Variants in KIF24 observed in about 807,000 individuals in gnomAD.
KIF24 encodes the protein kinesin-like protein KIF24.
In KIF24, 81 loss-of-function variants were observed where a neutral mutation model predicts 118.9. That is an observed-to-expected ratio of 0.68 (90% CI 0.57 to 0.82). The LOEUF is 0.82. KIF24 is among the 40% of genes least tolerant of loss of function. The probability of loss-of-function intolerance (pLI) is 0.00; values close to 1 mark genes in which losing one functional copy is unlikely to be tolerated. For missense variants in KIF24, 1,560 were observed against 1,661.6 expected, an observed-to-expected ratio of 0.94 and a Z score of 1.06; for synonymous variants, 599 against 610.0, an observed-to-expected ratio of 0.98 and a Z score of 0.27.
At chr9:34,267,865 G>A (rs1835351592) in intron 8 of KIF24, among the ~76,000 whole-genome samples, 1 of 152,254 alleles carries the variant, frequency 6.6e-6, no homozygotes, top group East Asian at 1.9e-4. Flanking sequence ...AGGATAATGA[G>A]TAACATGTTA....
intron 3 of KIF24, among the ~76,000 whole-genome samples, chr9:34,301,846 A>G (rs1379709289): frequency 6.6e-6 from 1 of 152,116 alleles, no homozygotes; most frequent in Non-Finnish European, 1.5e-5. Context: ...CAGAAAAATT[A>G]AAAAACCAAA....
At chr9:34,263,198 C>CA (rs748897571) in intron 8 of KIF24, 26 bp from the exon 9 acceptor site, 123 of 1,577,636 alleles carry the variant, frequency 7.8e-5, no homozygotes, top group Middle Eastern at 6.6e-4. Context: ...ACAAGCACAT[C>CA]AAGTATCAAG....
intron 1 of KIF24, among the ~76,000 whole-genome samples, chr9:34,324,867 TAAC>T (rs1837627582): frequency 6.6e-6 from 1 of 152,216 alleles, no homozygotes; most frequent in Admixed American, 6.5e-5. Flanking sequence ...TTACTGATTA[TAAC>T]AACAAATGAG....
upstream of KIF24, among the ~76,000 whole-genome samples, chr9:34,333,454 C>T (rs1427292877): frequency 6.6e-6 from 1 of 151,714 alleles, no homozygotes; most frequent in Non-Finnish European, 1.5e-5. Context: ...TAGCAAGACC[C>T]CATCTCTACA....
chr9:34,290,823 C>T (rs943136764), intron 4 of KIF24, among the ~76,000 whole-genome samples: 7 of 152,108 alleles, frequency 4.6e-5, no homozygotes, highest in African/African-American at 1.7e-4. Flanking sequence ...TCGTCTCGAA[C>T]TCCTGACCTC....
chr9:34,267,443 T>G (rs1214867146), intron 8 of KIF24, among the ~76,000 whole-genome samples: 1 of 152,100 alleles, frequency 6.6e-6, no homozygotes, highest in African/African-American at 2.4e-5. Context: ...ACCTATGAAT[T>G]GTTTTTGCCA....
intron 7 of KIF24, among the ~76,000 whole-genome samples, chr9:34,270,833 G>A (rs1424615879): frequency 2.7e-5 from 4 of 147,690 alleles, no homozygotes; most frequent in Admixed American, 1.4e-4. Flanking sequence ...CTAGGAGTTC[G>A]AGACCAGCCT....
At position 34,311,329 on chromosome 9, in the gene KIF24, A is replaced by C; in HGVS notation, c.18T>G (p.Tyr6Ter). The part of the protein sequence containing the change: MASWL[Y>*]ECLCEAELAQ... ...CAAGTTCAGCTTCACAAAGACATTC[A>C]TATAACCAGGATGCCATTTTGGTGA... Residue 6 changes from tyrosine to a stop codon, truncating the protein, a stop_gained, in exon 2 of 13, where the codon TAT becomes TAG. Transcript: ENST00000402558. LOFTEE classifies it high-confidence loss of function. 6.4e-7 allele frequency: 1 copy of C among 1,572,852 alleles called. No individual in the cohort carries two copies.
intron 7 of KIF24, among the ~76,000 whole-genome samples, chr9:34,269,955 G>A (rs1357954694): frequency 6.6e-6 from 1 of 151,932 alleles, no homozygotes; most frequent in Non-Finnish European, 1.5e-5. Context: ...TGGGTGTGGT[G>A]GCTCATGCCT....
At chr9:34,317,547 C>T (rs531717788) in intron 1 of KIF24, among the ~76,000 whole-genome samples, 1 of 152,132 alleles carries the variant, frequency 6.6e-6, no homozygotes, top group Non-Finnish European at 1.5e-5. Context: ...CAGAAAGGAA[C>T]AATTTGTAAG....
chr9:34,292,474 G>C (rs186944966), intron 4 of KIF24, among the ~76,000 whole-genome samples: 15 of 151,972 alleles, frequency 9.9e-5, no homozygotes, highest in Non-Finnish European at 1.8e-4. Flanking sequence ...CTGGGCTTGC[G>C]TTCTTAACTT....
intron 1 of KIF24, among the ~76,000 whole-genome samples, chr9:34,323,228 G>A (rs1334492711): frequency 2.0e-5 from 3 of 152,126 alleles, no homozygotes; most frequent in African/African-American, 7.2e-5. Context: ...TTAAAAAGTA[G>A]TTTTCAAGAA....
chr9:34,320,658 CAAAAA>C (rs68048466), intron 1 of KIF24, among the ~76,000 whole-genome samples: 13 of 54,440 alleles, frequency 2.4e-4, no homozygotes, highest in Admixed American at 5.2e-4. Flanking sequence ...AACTCCTTCT[CAAAAA>C]AAAAAAAAAA....
intron 8 of KIF24, among the ~76,000 whole-genome samples, chr9:34,264,769 T>C (rs1029812534): frequency 1.3e-5 from 2 of 151,998 alleles, no homozygotes; most frequent in Non-Finnish European, 2.9e-5. Flanking sequence ...ATAAAAAAAG[T>C]TTGGCTCCCT....
At chr9:34,268,846 G>A (rs1002709217) in intron 8 of KIF24, among the ~76,000 whole-genome samples, 6 of 152,060 alleles carry the variant, frequency 3.9e-5, no homozygotes, top group Non-Finnish European at 7.4e-5. Context: ...GGGAGGGAAG[G>A]GGTTGCTTAG....
intron 3 of KIF24, among the ~76,000 whole-genome samples, chr9:34,300,457 C>T (rs565835350): frequency 6.6e-6 from 1 of 151,894 alleles, no homozygotes; most frequent in Non-Finnish European, 1.5e-5. Context: ...CAACCTCCCA[C>T]TCCCTGCTTC....
Position 34,254,366 on chromosome 9 carries a change from C to T in KIF24, c.*14G>A, listed in dbSNP as rs898991879. 6 of 1,606,680 alleles carry T rather than the reference C, an allele frequency of 3.7e-6. No homozygotes were observed. In the African/African-American group the frequency reaches 8.0e-5, roughly 22 times the overall value. ...TCCTGCAGGGCCCCCACCATCTCGG[C>T]ACAGGGTCTGGCTCTAAGACGGCAC... is the stretch of plus-strand genomic sequence containing the variant. On this transcript the variant is annotated 3_prime_UTR_variant, in exon 13 of 13. Coordinates refer to ENST00000402558, the MANE Select transcript of KIF24 (RefSeq NM_194313.4).
At chr9:34,289,701 A>T (rs1222553756) in intron 5 of KIF24, among the ~76,000 whole-genome samples, 1 of 152,246 alleles carries the variant, frequency 6.6e-6, no homozygotes, top group Non-Finnish European at 1.5e-5. Flanking sequence ...TAAGCCTAAC[A>T]AGGGTTAAAA....
rs201157574 is a variant in KIF24, at chr9:34,254,410, G to A, written c.4077C>T (p.Thr1359=). The A allele has an allele frequency of 2.9e-5, 46 of 1,613,718 alleles. No individual in the cohort carries two copies. Among genetic ancestry groups the A allele is most frequent in the African/African-American group, 1.9e-4 (14 of 75,040 alleles). Residue 1359 remains threonine (T), a synonymous_variant, in exon 13 of 13, where the codon ACC becomes ACT. Transcript: ENST00000402558. ...ACGGCACTGTTCCCTCAGGGGCTGCGGTGGGCCCGTGGCAGGTGAGATAGA... is the reference window on the plus strand; with the variant it reads ...ACGGCACTGTTCCCTCAGGGGCTGCAGTGGGCCCGTGGCAGGTGAGATAGA... ...LQLYLTCHGP[T]AAPEGTVPS is the part of the protein sequence containing the mutation.
Sources: allele counts gnomAD v4.1 joint callset (sites outside exome capture counted in the v4.1 genomes callset), GRCh38; gene constraint gnomAD v4.1.1; transcripts MANE v1.5; gene names NCBI Gene and HGNC (gene_info 2026-07-23, HGNC 2026-07-21).